Variants in SLC44A1 observed in about 807,000 individuals in gnomAD.
SLC44A1 encodes choline transporter-like protein 1.
Under a neutral mutation model 79.3 loss-of-function variants are expected in SLC44A1, and 26 were observed. The ratio of observed to expected loss-of-function variants is 0.33; its 90% CI spans 0.24 to 0.46. The LOEUF is 0.46. Ranked by LOEUF, SLC44A1 falls within the 20% of genes least tolerant of loss-of-function variation. The pLI, the probability that SLC44A1 is intolerant of heterozygous loss-of-function variation, is 1.00. For missense variants in SLC44A1, 688 were observed against 798.1 expected (o/e 0.86, Z 1.66); for synonymous variants, 263 against 286.2 (o/e 0.92, Z 0.82).
rs369053269 is a variant in SLC44A1, at chr9:105,301,709, T to A, written c.126+2400T>A. ...TTTAAATTTTTTTCAATGAAATAGG[T>A]TTTATCCCCTGCTTATAGACAAAGT... On this transcript the variant is annotated intron_variant, in intron 2 of 15. Coordinates refer to ENST00000374720, the MANE Select transcript of SLC44A1 (RefSeq NM_080546.5). 1.1e-4 allele frequency among the ~76,000 whole-genome samples: 16 copies of A among 152,298 alleles called. No individual in the cohort carries two copies. The East Asian group carries it at 2.9e-3, about 27-fold the overall frequency.
chr9:105,361,059 T>G, intron 7 of SLC44A1, 132 bp from the exon 8 acceptor site: 1 of 871,222 alleles, frequency 1.1e-6, no homozygotes. Flanking sequence ...AGCTATGTAC[T>G]TCCCAGCCAA....
chr9:105,311,416 C>A (rs1831176894), intron 3 of SLC44A1, among the ~76,000 whole-genome samples: 1 of 152,142 alleles, frequency 6.6e-6, no homozygotes, highest in Non-Finnish European at 1.5e-5. Flanking sequence ...GGATTGGAAT[C>A]ATTTTTATGG....
At chr9:105,361,762 T>C (rs537550101) in intron 8 of SLC44A1, among the ~76,000 whole-genome samples, 2 of 152,226 alleles carry the variant, frequency 1.3e-5, no homozygotes, top group African/African-American at 4.8e-5. Flanking sequence ...ATTTCAAAAA[T>C]ATAGGTGTGG....
rs563021113 is a variant in SLC44A1 at position 105,374,450 on chromosome 9, G to A, written c.1495-148G>A. The A allele has an allele frequency of 5.2e-4, 300 of 577,772 alleles. 1 individual carries two copies. In the Middle Eastern group the frequency reaches 5.7e-3, roughly 11 times the overall value. The allele number at this position is 577,772 out of a possible 1,614,324, so 35.8% of individuals were successfully genotyped here. A position where few individuals can be genotyped will look rare whatever the true frequency, so the allele number is the denominator to read the frequency against. ...GAGGCTTTAAATCTTATATTTTCTT[G>A]TACTCAGTCTCGATCTGTACCTCAT... On this transcript the variant is annotated intron_variant, in intron 12 of 15. Coordinates refer to ENST00000374720, the MANE Select transcript of SLC44A1 (RefSeq NM_080546.5).
chr9:105,391,008 A>G lies in SLC44A1; in HGVS notation c.*1952A>G, dbSNP rs1264812262. Reference sequence around the variant, plus strand: ...AGCAAATCATGTGAGAAAATTCAGAATACCATCTGTTTCATAGCCGCACAG... The same window carrying G: ...AGCAAATCATGTGAGAAAATTCAGAGTACCATCTGTTTCATAGCCGCACAG... On this transcript the variant is annotated 3_prime_UTR_variant, in exon 16 of 16. Coordinates refer to ENST00000374720, the MANE Select transcript of SLC44A1 (RefSeq NM_080546.5). 3.0e-6 allele frequency: 3 copies of G among 985,372 alleles called. No homozygotes were observed. The highest frequency in any genetic ancestry group is 3.6e-6 in the Non-Finnish European group (3 of 829,586). The allele number at this position is 985,372 out of a possible 1,614,324, so 61.0% of individuals were successfully genotyped here.
chr9:105,437,385 C>T (rs1243486779), intron 15 of SLC44A1, among the ~76,000 whole-genome samples: 3 of 151,644 alleles, frequency 2.0e-5, no homozygotes, highest in Non-Finnish European at 2.9e-5. Flanking sequence ...ATATAACTAG[C>T]TATTGAGATC....
At chr9:105,356,010 G>C in intron 5 of SLC44A1, 1 of 558,874 alleles carries the variant, frequency 1.8e-6, no homozygotes, top group Non-Finnish European at 3.1e-6. Flanking sequence ...CACCCTCTTT[G>C]ATAAGGCTTG....
chr9:105,295,502 T>C (rs560417422), intron 1 of SLC44A1, among the ~76,000 whole-genome samples: 1 of 152,364 alleles, frequency 6.6e-6, no homozygotes, highest in African/African-American at 2.4e-5. Context: ...TAAATCCTGT[T>C]GCCACTTGGT....
chr9:105,381,054 T>A (rs965555755), intron 13 of SLC44A1, among the ~76,000 whole-genome samples: 4 of 152,268 alleles, frequency 2.6e-5, no homozygotes, highest in Non-Finnish European at 5.9e-5. Context: ...TCACCAGCTT[T>A]TTGTCTCAGC....
intron 15 of SLC44A1, among the ~76,000 whole-genome samples, chr9:105,410,566 A>C (rs1829081754): frequency 6.6e-6 from 1 of 152,216 alleles, no homozygotes; most frequent in African/African-American, 2.4e-5. Flanking sequence ...AATAGACAAT[A>C]AGAAGTGTTG....
At position 105,396,342 on chromosome 9, in the gene SLC44A1, G is replaced by T. The variant is rs553742715; in HGVS notation, c.*7286G>T. On this transcript the variant is annotated 3_prime_UTR_variant, in exon 16 of 16. Coordinates refer to ENST00000374720, the MANE Select transcript of SLC44A1 (RefSeq NM_080546.5). ...CAGGAGAAAAAAACTTTAACAAAAA[G>T]GCAGGGAGAAAAGTGTGAAGGGCAT... 9 of 985,250 alleles carry T rather than the reference G, an allele frequency of 9.1e-6. No individual in the cohort carries two copies. In the African/African-American group the frequency reaches 1.4e-4, roughly 15 times the overall value. The allele number at this position is 985,250 out of a possible 1,614,324, so 61.0% of individuals were successfully genotyped here.
At chr9:105,342,975 T>TAA (rs534467462) in intron 4 of SLC44A1, among the ~76,000 whole-genome samples, 1 of 140,980 alleles carries the variant, frequency 7.1e-6, no homozygotes, top group Non-Finnish European at 1.6e-5. Context: ...TCCTTGTCTC[T>TAA]AAAAAAAAAA....
At chr9:105,320,257 A>G (rs1307327389) in intron 3 of SLC44A1, among the ~76,000 whole-genome samples, 6 of 143,312 alleles carry the variant, frequency 4.2e-5, no homozygotes, top group Non-Finnish European at 9.2e-5. Context: ...TCTGTTCACT[A>G]GGTTTTTTGC....
chr9:105,312,627 G>A (rs1022454515), intron 3 of SLC44A1, among the ~76,000 whole-genome samples: 8 of 152,230 alleles, frequency 5.3e-5, no homozygotes, highest in Non-Finnish European at 1.0e-4. Context: ...CATAAAGACC[G>A]TTCCATTTAT....
At chr9:105,418,791 G>A (rs780349328) in intron 15 of SLC44A1, among the ~76,000 whole-genome samples, 5 of 152,290 alleles carry the variant, frequency 3.3e-5, no homozygotes, top group African/African-American at 2.4e-5. Context: ...TTAGCCACTC[G>A]TGCTGAAATG....
chr9:105,393,390 T>TA lies in SLC44A1; in HGVS notation c.*4340dup, dbSNP rs1296445799. ...AGAGAAAATCTAAAGCTAGCAAACTTAAAAAACAAAACAAAAATTACACGT... is the reference window on the plus strand; with the variant it reads ...AGAGAAAATCTAAAGCTAGCAAACTTAAAAAAACAAAACAAAAATTACACGT... On this transcript the variant is annotated 3_prime_UTR_variant, in exon 16 of 16. Transcript: ENST00000374720. The TA allele has an allele frequency of 1.0e-6, 1 of 985,254 alleles. No individual in the cohort carries two copies. Among genetic ancestry groups the TA allele is most frequent in the Non-Finnish European group, 1.2e-6 (1 of 829,822 alleles). The allele number at this position is 985,254 out of a possible 1,614,324, so 61.0% of individuals were successfully genotyped here.
intron 15 of SLC44A1, among the ~76,000 whole-genome samples, chr9:105,426,554 C>T (rs1332333612): frequency 6.6e-6 from 1 of 152,076 alleles, no homozygotes; most frequent in Non-Finnish European, 1.5e-5. Flanking sequence ...AGTGAGTTAT[C>T]ATGCTGAGTA....
rs368894258 is a variant in SLC44A1 at position 105,362,852 on chromosome 9, G to A, written c.932G>A (p.Arg311His). The A allele has an allele frequency of 1.6e-5, 26 of 1,609,568 alleles. No individual in the cohort carries two copies. The highest frequency in any genetic ancestry group is 1.5e-4 in the Admixed American group (9 of 59,184). The stretch of plus-strand genomic sequence containing the variant: ...TTATTCCTGATAATGTTGGTTATGC[G>A]CAAACGTGTTGCTCTTACCATCGCC... The part of the protein sequence containing the change: ...VILFLIMLVM[R>H]KRVALTIALF... Residue 311 changes from arginine (R) to histidine (H), a missense_variant, in exon 9 of 16, where the codon CGC (arginine) becomes CAC (histidine). Physicochemically the swap from Arg to His is conservative, Grantham distance 29. Transcript: ENST00000374720.
At position 105,408,265 on chromosome 9, in the gene SLC44A1, G is replaced by A. The variant is rs562589682; in HGVS notation, c.1950+22763G>A. Among the ~76,000 whole-genome samples, 4 of 152,230 alleles carry A rather than the reference G, an allele frequency of 2.6e-5. No homozygotes were observed. In the South Asian group the frequency reaches 8.3e-4, roughly 32 times the overall value. On this transcript the variant is annotated intron_variant, in intron 15 of 15. Transcript: ENST00000374724. ...AGACCTGCCCTATGAGAAATGCTAAGGGAAATTATTCAGGAAGAAATGAAA... is the reference window on the plus strand; with the variant it reads ...AGACCTGCCCTATGAGAAATGCTAAAGGAAATTATTCAGGAAGAAATGAAA...
Sources: gnomAD v4.1 joint callset for allele counts (sites outside exome capture counted in the v4.1 genomes callset) on GRCh38, gnomAD v4.1.1 for gene constraint, MANE v1.5 for transcripts, NCBI Gene and HGNC (gene_info 2026-07-23, HGNC 2026-07-21) for gene names.